IQGAP2: variants seen among roughly 807,000 people sequenced by gnomAD.
IQGAP2 encodes IQ motif containing GTPase activating protein 2.
Under a neutral mutation model 201.3 loss-of-function variants are expected in IQGAP2, and 173 were observed. The observed-to-expected ratio is 0.86, with a 90% CI of 0.76 to 0.98. The LOEUF is 0.98. Among genes scored for constraint, IQGAP2 ranks in the 50% least tolerant of loss-of-function variants. The pLI, the probability that IQGAP2 is intolerant of heterozygous loss-of-function variation, is 0.00. For missense variants in IQGAP2, 1,687 were observed against 1,864.8 expected, an observed-to-expected ratio of 0.90 and a Z score of 1.76; for synonymous variants, 675 against 673.9, an observed-to-expected ratio of 1.00 and a Z score of -0.03.
At chr5:76,649,004 G>A (rs888869935) in intron 17 of IQGAP2, among the ~76,000 whole-genome samples, 12 of 152,166 alleles carry the variant, frequency 7.9e-5, no homozygotes, top group Admixed American at 4.6e-4. Context: ...AAATAAAAGT[G>A]GAAATGTTCC....
chr5:76,671,995 A>C lies in IQGAP2; in HGVS notation c.3068+12A>C. ...ACTGGAGAGGCCAGGTAATAGAATC[A>C]GGAAGGTGTTGGTCTTCTGTTATGT... On this transcript the variant is annotated intron_variant, in intron 24 of 35. Transcript: ENST00000274364. 6.3e-7 allele frequency: 1 copy of C among 1,577,824 alleles called. No homozygotes were observed. Among genetic ancestry groups the C allele is most frequent in the South Asian group, 1.1e-5 (1 of 89,736 alleles).
chr5:76,664,177 T>C (rs1743520526), intron 21 of IQGAP2, among the ~76,000 whole-genome samples: 1 of 152,218 alleles, frequency 6.6e-6, no homozygotes, highest in South Asian at 2.1e-4. Flanking sequence ...TGATTTAAAG[T>C]GAAAGATGTG....
chr5:76,501,936 C>T (rs917804766), intron 2 of IQGAP2, among the ~76,000 whole-genome samples: 4 of 152,162 alleles, frequency 2.6e-5, no homozygotes, highest in African/African-American at 4.8e-5. Flanking sequence ...AGCCACCGCT[C>T]CTGGCCCCTG....
chr5:76,463,538 T>C (rs1754608642), intron 2 of IQGAP2, among the ~76,000 whole-genome samples: 1 of 152,240 alleles, frequency 6.6e-6, no homozygotes, highest in Non-Finnish European at 1.5e-5. Context: ...CAGTCAGGTT[T>C]ATGGTGATAA....
chr5:76,700,954 T>C (rs2150560729), intron 33 of IQGAP2, 122 bp from the exon 34 acceptor site: 3 of 912,094 alleles, frequency 3.3e-6, no homozygotes, highest in Admixed American at 5.5e-5. Context: ...TAAAAAAGTG[T>C]ATATTCAGCG....
At chr5:76,496,749 C>CTTTCTTTCTTTCT (rs1561416364) in intron 2 of IQGAP2, among the ~76,000 whole-genome samples, 691 of 60,464 alleles carry the variant, frequency 0.011, 41 homozygotes, top group Admixed American at 0.059. Context: ...TTCTTTCTTT[C>CTTTCTTTCTTTCT]TTTCTTTCTT....
chr5:76,631,942 T>G lies in IQGAP2; in HGVS notation c.1696T>G (p.Ser566Ala). ...TTTGTCTGTATTGAAGTCTTCCACT[T>G]CTAATGCAAATGACATAATCCCGGA... ...DILSVLKSSTSNANDIIPECA... is the reference protein window; with the variant it reads ...DILSVLKSSTANANDIIPECA... The change falls in exon 15 of 36, where the codon TCT becomes GCT. Residue 566 changes from serine to alanine, a missense_variant. Transcript: ENST00000274364. 2.5e-6 allele frequency: 4 copies of G among 1,612,916 alleles called. No homozygotes were observed. The highest frequency in any genetic ancestry group is 3.4e-6 in the Non-Finnish European group (4 of 1,179,246).
chr5:76,469,463 C>G (rs1033828052), intron 2 of IQGAP2, among the ~76,000 whole-genome samples: 1 of 151,384 alleles, frequency 6.6e-6, no homozygotes, highest in Non-Finnish European at 1.5e-5. Flanking sequence ...TGCAGTGGTG[C>G]GATCTCGGCT....
rs748079068 is a variant in IQGAP2, at chr5:76,673,543, A to G, written c.3163A>G (p.Thr1055Ala). The G allele has an allele frequency of 1.2e-6, 2 of 1,614,136 alleles. No individual in the cohort carries two copies. Among genetic ancestry groups the G allele is most frequent in the Non-Finnish European group, 1.7e-6 (2 of 1,179,970 alleles). ...TTCCATTGAGAACCTGAGAAGGGTC[A>G]CCGACAAAGTCCTGAATTCTATCAT... ...EASIENLRRV[T>A]DKVLNSIISS... is the part of the protein sequence containing the mutation. Residue 1055 changes from threonine to alanine, a missense_variant, in exon 25 of 36, where the codon ACC becomes GCC. Coordinates refer to ENST00000274364, the MANE Select transcript of IQGAP2 (RefSeq NM_006633.5).
intron 3 of IQGAP2, among the ~76,000 whole-genome samples, chr5:76,562,977 C>T (rs745456542): frequency 6.6e-6 from 1 of 152,180 alleles, no homozygotes; most frequent in African/African-American, 2.4e-5. Flanking sequence ...AAGCAAGATA[C>T]GACTAACCAC....
Position 76,686,334 on chromosome 5 carries a change from G to GT in IQGAP2, c.3905+2425dup, listed in dbSNP as rs143998388. Among the ~76,000 whole-genome samples, 937 of 129,488 alleles carry GT rather than the reference G, an allele frequency of 7.2e-3. 10 individuals carry two copies. The highest frequency in any genetic ancestry group is 9.6e-3 in the Non-Finnish European group (595 of 61,894). 84.9% of individuals were successfully genotyped at this position (129,488 alleles called of 152,430 possible). A position where few individuals can be genotyped will look rare whatever the true frequency, so the allele number is the denominator to read the frequency against. On this transcript the variant is annotated intron_variant, in intron 30 of 35. Coordinates refer to ENST00000274364, the MANE Select transcript of IQGAP2 (RefSeq NM_006633.5). ...TATTTTGATGAAGTCCAGTTTATCT[G>GT]TTTTTTTTGTTGTTGTTGTTGTTGT...
chr5:76,509,145 A>G (rs1696675170), intron 2 of IQGAP2, among the ~76,000 whole-genome samples: 1 of 151,942 alleles, frequency 6.6e-6, no homozygotes, highest in African/African-American at 2.4e-5. Context: ...GCTTAAGAAA[A>G]CCATCTCAAG....
chr5:76,617,888 A>G (rs745867853), intron 13 of IQGAP2: 4 of 1,614,078 alleles, frequency 2.5e-6, no homozygotes, highest in Admixed American at 3.3e-5. Flanking sequence ...GCACAAATGG[A>G]ATTAAGAATC....
chr5:76,694,635 C>G (rs886504428), intron 31 of IQGAP2, among the ~76,000 whole-genome samples: 3 of 152,218 alleles, frequency 2.0e-5, no homozygotes, highest in African/African-American at 7.2e-5. Flanking sequence ...ACATTAAGTG[C>G]TCAACAATGT....
intron 12 of IQGAP2, chr5:76,606,748 G>A (rs1231518146): frequency 6.6e-6 from 1 of 152,278 alleles, no homozygotes; most frequent in East Asian, 1.9e-4. Flanking sequence ...ATGGTGATTT[G>A]CTGTGTTTCT....
chr5:76,591,216 T>C (rs1746625699), intron 8 of IQGAP2, among the ~76,000 whole-genome samples: 1 of 152,240 alleles, frequency 6.6e-6, no homozygotes, highest in African/African-American at 2.4e-5. Context: ...CATCCCTTGT[T>C]AGACATCAAC....
chr5:76,674,766 T>C (rs1221253968), intron 27 of IQGAP2, 57 bp downstream of exon 27: 3 of 1,255,872 alleles, frequency 2.4e-6, no homozygotes, highest in African/African-American at 1.5e-5. Flanking sequence ...AAGAATAATA[T>C]GTGCTCTGTG....
intron 12 of IQGAP2, among the ~76,000 whole-genome samples, chr5:76,610,281 A>G (rs1363543998): frequency 1.6e-4 from 24 of 149,490 alleles, no homozygotes; most frequent in Non-Finnish European, 3.1e-4. Context: ...TTGAATAGAC[A>G]CTTCATTTCT....
intron 23 of IQGAP2, among the ~76,000 whole-genome samples, 187 bp from the exon 24 acceptor site, chr5:76,671,572 C>T (rs1157076313): frequency 1.3e-5 from 2 of 150,712 alleles, no homozygotes; most frequent in South Asian, 4.2e-4. Flanking sequence ...CCTGTAGTCC[C>T]AGCTACTCAG....
Sources: gnomAD v4.1 joint callset for allele counts (sites outside exome capture counted in the v4.1 genomes callset) on GRCh38, gnomAD v4.1.1 for gene constraint, MANE v1.5 for transcripts, NCBI Gene and HGNC (gene_info 2026-07-23, HGNC 2026-07-21) for gene names.